Variants in CCDC63 observed in about 807,000 individuals in gnomAD.
The protein encoded by CCDC63 is coiled-coil domain-containing protein 63.
A neutral mutation model predicts 63.6 loss-of-function variants in CCDC63; 54 were observed. The observed-to-expected ratio is 0.85, with a 90% CI of 0.68 to 1.07. CCDC63 has a LOEUF of 1.07. CCDC63 is among the 50% of genes least tolerant of loss of function. The pLI, the probability that CCDC63 is intolerant of heterozygous loss-of-function variation, is 0.00. For synonymous variants in CCDC63, 253 were observed against 266.1 expected, an observed-to-expected ratio of 0.95 and a Z score of 0.48; for missense variants, 637 against 689.6, an observed-to-expected ratio of 0.92 and a Z score of 0.86.
chr12:110,848,653 C>A (rs931323865), intron 1 of CCDC63, among the ~76,000 whole-genome samples: 2 of 152,148 alleles, frequency 1.3e-5, no homozygotes, highest in Non-Finnish European at 2.9e-5. Flanking sequence ...GTTCGCCCAG[C>A]GTCTGTCATG....
At chr12:110,899,422 G>A (rs539438407) in intron 10 of CCDC63, among the ~76,000 whole-genome samples, 16 of 152,206 alleles carry the variant, frequency 1.1e-4, no homozygotes, top group African/African-American at 2.6e-4. Context: ...GGGCTCAGGC[G>A]ATCCTCCCAC....
chr12:110,877,213 A>AT (rs35327073), intron 5 of CCDC63, among the ~76,000 whole-genome samples: 29,020 of 138,622 alleles, frequency 0.21, 3,140 homozygotes, highest in African/African-American at 0.25. Flanking sequence ...ATACAGTACA[A>AT]TTTTTTTTTT....
chr12:110,873,526 T>C (rs1485683286), intron 4 of CCDC63, among the ~76,000 whole-genome samples: 1 of 152,240 alleles, frequency 6.6e-6, no homozygotes, highest in African/African-American at 2.4e-5. Flanking sequence ...GCAGAATGTA[T>C]GTCATTGTGT....
At chr12:110,896,485 A>T (rs557061344) in intron 9 of CCDC63, among the ~76,000 whole-genome samples, 1 of 152,128 alleles carries the variant, frequency 6.6e-6, no homozygotes, top group Non-Finnish European at 1.5e-5. Flanking sequence ...CACCTGTAAA[A>T]TAGGGGTGTG....
rs770134465 is a variant in CCDC63 at position 110,852,940 on chromosome 12, T to A, written c.-15T>A. 5.0e-6 allele frequency: 8 copies of A among 1,613,964 alleles called. No individual in the cohort carries two copies. The Admixed American group carries it at 8.3e-5, about 17-fold the overall frequency. On this transcript the variant is annotated 5_prime_UTR_variant, in exon 2 of 12. Coordinates refer to ENST00000308208, the MANE Select transcript of CCDC63 (RefSeq NM_152591.3). ...GTACAGTGTCTGAGTGGAGGCAAAG[T>A]GCGGTTCCTTCAAGATGTCTGTGGT...
intron 4 of CCDC63, among the ~76,000 whole-genome samples, chr12:110,867,689 G>A (rs1225590271): frequency 1.8e-4 from 22 of 120,508 alleles, no homozygotes; most frequent in African/African-American, 6.7e-4. Flanking sequence ...CGGGGCGGCT[G>A]GCCGGGCGGA....
chr12:110,890,523 T>A (rs950420948), intron 8 of CCDC63, among the ~76,000 whole-genome samples: 1 of 152,050 alleles, frequency 6.6e-6, no homozygotes. Flanking sequence ...CAGAAAAACA[T>A]AAAGAAAAAG....
chr12:110,846,345 T>C (rs1361041335), upstream of CCDC63, among the ~76,000 whole-genome samples: 1 of 152,190 alleles, frequency 6.6e-6, no homozygotes, highest in South Asian at 2.1e-4. Context: ...GCCGATTGTA[T>C]GAAAAATGTG....
chr12:110,893,177 T>A, intron 9 of CCDC63, 27 bp downstream of exon 9: 1 of 1,585,160 alleles, frequency 6.3e-7, no homozygotes, highest in South Asian at 1.1e-5. Context: ...GAGGGAGGGA[T>A]GCGGGAGCTT....
chr12:110,879,752 A>G (rs535870484), intron 5 of CCDC63, among the ~76,000 whole-genome samples, 154 bp from the exon 6 acceptor site: 10 of 152,232 alleles, frequency 6.6e-5, no homozygotes, highest in African/African-American at 2.2e-4. Context: ...ACTGGCTCCA[A>G]CCAGTTGAGC....
intron 8 of CCDC63, among the ~76,000 whole-genome samples, chr12:110,890,807 T>C (rs1051287582): frequency 2.8e-5 from 4 of 143,698 alleles, no homozygotes; most frequent in African/African-American, 1.0e-4. Context: ...AGACAGGATC[T>C]TGCTCTATCG....
intron 1 of CCDC63, among the ~76,000 whole-genome samples, chr12:110,847,334 C>G (rs566883348): frequency 7.9e-5 from 12 of 152,260 alleles, no homozygotes; most frequent in Non-Finnish European, 1.8e-4. Context: ...GAGGCTGAGG[C>G]AAGAGGATCG....
Position 110,905,862 on chromosome 12 carries a change from G to A in CCDC63, c.1546+1071G>A, listed in dbSNP as rs2071553565. Among the ~76,000 whole-genome samples, 11 of 70,420 alleles carry A rather than the reference G, an allele frequency of 1.6e-4. No individual in the cohort carries two copies. The South Asian group carries it at 3.2e-3, about 21-fold the overall frequency. The allele number at this position is 70,420 out of a possible 152,430, so 46.2% of individuals were successfully genotyped here. On this transcript the variant is annotated intron_variant, in intron 11 of 11. Transcript: ENST00000308208. Reference sequence around the variant, plus strand: ...TATGTATATATATGTGTGTGTGTATGTGTATATATGTGTGTGTGTATATAT... The same window carrying A: ...TATGTATATATATGTGTGTGTGTATATGTATATATGTGTGTGTGTATATAT...
At chr12:110,871,753 C>G (rs1187786596) in intron 4 of CCDC63, among the ~76,000 whole-genome samples, 1 of 152,068 alleles carries the variant, frequency 6.6e-6, no homozygotes, top group Non-Finnish European at 1.5e-5. Context: ...TAGATTATTG[C>G]AGTGTCTGGA....
At chr12:110,905,541 C>A (rs2071549191) in intron 11 of CCDC63, among the ~76,000 whole-genome samples, 1 of 151,988 alleles carries the variant, frequency 6.6e-6, no homozygotes, top group Non-Finnish European at 1.5e-5. Context: ...CTGTTCACTG[C>A]AGCCCCAAAC....
rs557633328 is a variant in CCDC63 at position 110,883,963 on chromosome 12, G to T, written c.854-67G>T. 2.2e-5 allele frequency: 27 copies of T among 1,233,064 alleles called. No individual in the cohort carries two copies. The African/African-American group carries it at 3.3e-4, about 15-fold the overall frequency. The allele number at this position is 1,233,064 out of a possible 1,614,324, so 76.4% of individuals were successfully genotyped here. A position where few individuals can be genotyped will look rare whatever the true frequency, so the allele number is the denominator to read the frequency against. ...CCACAATAATATTGATCACGTTACT[G>T]TCTGCCTGGCACGGATCTGAGGAGC... On this transcript the variant is annotated intron_variant, in intron 7 of 11. Coordinates refer to ENST00000308208, the MANE Select transcript of CCDC63 (RefSeq NM_152591.3).
At chr12:110,899,812 C>T (rs1008046720) in intron 10 of CCDC63, among the ~76,000 whole-genome samples, 18 of 151,326 alleles carry the variant, frequency 1.2e-4, no homozygotes, top group African/African-American at 3.9e-4. Flanking sequence ...AATGTAGAAG[C>T]ATTTGATAAA....
At chr12:110,853,339 C>T in intron 2 of CCDC63, 66 bp from the exon 3 acceptor site, 2 of 1,508,906 alleles carry the variant, frequency 1.3e-6, no homozygotes, top group Non-Finnish European at 1.8e-6. Context: ...CACTCTTAAG[C>T]CCATCTGTGG....
intron 5 of CCDC63, among the ~76,000 whole-genome samples, 168 bp downstream of exon 5, chr12:110,874,129 C>T (rs2071101551): frequency 6.6e-6 from 1 of 151,662 alleles, no homozygotes; most frequent in African/African-American, 2.4e-5. Flanking sequence ...ATTTACTGTC[C>T]ACCTTAGCAA....
Sources: allele counts gnomAD v4.1 joint callset (sites outside exome capture counted in the v4.1 genomes callset), GRCh38; gene constraint gnomAD v4.1.1; transcripts MANE v1.5; gene names NCBI Gene and HGNC (gene_info 2026-07-23, HGNC 2026-07-21).